Variants in CCDC14 observed in about 807,000 individuals in gnomAD.
CCDC14 encodes the protein coiled-coil domain-containing protein 14.
A neutral mutation model predicts 81.4 loss-of-function variants in CCDC14; 71 were observed. That is an observed-to-expected ratio of 0.87 (90% confidence interval 0.72 to 1.06). The LOEUF (loss-of-function observed/expected upper bound fraction) is 1.06. Among genes scored for constraint, CCDC14 ranks in the 50% least tolerant of loss-of-function variants. The pLI is 0.00. For synonymous variants in CCDC14, 332 were observed against 364.8 expected, an observed-to-expected ratio of 0.91 and a Z score of 1.03; for missense variants, 1,046 against 1,047.3, an observed-to-expected ratio of 1.00 and a Z score of 0.02.
intron 9 of CCDC14, among the ~76,000 whole-genome samples, chr3:123,939,217 T>G (rs2036215395): frequency 6.6e-6 from 1 of 151,870 alleles, no homozygotes; most frequent in African/African-American, 2.4e-5. Flanking sequence ...CAGAACTTTG[T>G]AAATGATATT....
At chr3:123,925,560 C>T (rs979674758) in intron 12 of CCDC14, among the ~76,000 whole-genome samples, 3 of 152,044 alleles carry the variant, frequency 2.0e-5, no homozygotes, top group East Asian at 1.9e-4. Context: ...CTCAGCCTTC[C>T]GAGTAGCTGG....
the CCDC14 span, among the ~76,000 whole-genome samples, chr3:123,892,062 CACTA>C: frequency 2.6e-5 from 4 of 152,168 alleles, no homozygotes; most frequent in Admixed American, 6.5e-5. Context: ...TCGTGAGACC[CACTA>C]ACTATCTTGA....
At chr3:123,951,593 C>G (rs1225934683) in intron 5 of CCDC14, among the ~76,000 whole-genome samples, 1 of 152,192 alleles carries the variant, frequency 6.6e-6, no homozygotes, top group Non-Finnish European at 1.5e-5. Flanking sequence ...GTCCTTTCCT[C>G]TTGATTCCTG....
At chr3:123,927,287 T>A (rs921359196) in intron 12 of CCDC14, among the ~76,000 whole-genome samples, 1 of 149,964 alleles carries the variant, frequency 6.7e-6, no homozygotes, top group Non-Finnish European at 1.5e-5. Flanking sequence ...CACAGTGGCA[T>A]GTGCCTGTGG....
At chr3:123,896,698 G>A (rs187664040), downstream of CCDC14, among the ~76,000 whole-genome samples, 658 of 152,222 alleles carry the variant, frequency 4.3e-3, 4 homozygotes, top group African/African-American at 0.015. Context: ...TTGATCAGGA[G>A]TATTAACATA....
chr3:123,896,611 A>G (rs1248826160), downstream of CCDC14, among the ~76,000 whole-genome samples: 1 of 152,178 alleles, frequency 6.6e-6, no homozygotes, highest in African/African-American at 2.4e-5. Context: ...TCACAGAAGC[A>G]GATAGTAGAA....
chr3:123,930,945 T>C (rs759667984), intron 12 of CCDC14, 157 bp downstream of exon 12: 10 of 635,466 alleles, frequency 1.6e-5, no homozygotes, highest in East Asian at 3.1e-5. Context: ...ACTAATTTAA[T>C]TGGAACAGAA....
intron 12 of CCDC14, among the ~76,000 whole-genome samples, chr3:123,924,703 A>G (rs944964460): frequency 3.9e-5 from 6 of 152,172 alleles, no homozygotes; most frequent in Non-Finnish European, 5.9e-5. Flanking sequence ...CCACAATGAG[A>G]TATCATCTCA....
Position 123,913,966 on chromosome 3 carries a change from A to G in CCDC14, c.*813T>C. The G allele has an allele frequency of 1.0e-6, 1 of 985,434 alleles. No homozygotes were observed. Among genetic ancestry groups the G allele is most frequent in the Non-Finnish European group, 1.2e-6 (1 of 829,684 alleles). 61.0% of individuals were successfully genotyped at this position (985,434 alleles called of 1,614,324 possible). On this transcript the variant is annotated 3_prime_UTR_variant, in exon 13 of 13. Coordinates refer to ENST00000409697, the MANE Select transcript of CCDC14 (RefSeq NM_001366335.1). ...ATATTCTCAGCTAACATGCTGGGAGAAAAAATTCTTCCAAAAAGGCAGAAT... is the reference window on the plus strand; with the variant it reads ...ATATTCTCAGCTAACATGCTGGGAGGAAAAATTCTTCCAAAAAGGCAGAAT...
rs2034497153 is a variant in CCDC14, at chr3:123,913,547, G to T, written c.*1232C>A. 1 of 980,240 alleles carries T rather than the reference G, an allele frequency of 1.0e-6. No homozygotes were observed. Among genetic ancestry groups the T allele is most frequent in the South Asian group, 4.7e-5 (1 of 21,162 alleles). 60.7% of individuals were successfully genotyped at this position (980,240 alleles called of 1,614,324 possible). On this transcript the variant is annotated 3_prime_UTR_variant, in exon 13 of 13. Transcript: ENST00000409697. ...CTAAATAAAATTAAAGATGCTAATG[G>T]ACTCTTGTGTGAAATAGTTTAGAAT... is the stretch of plus-strand genomic sequence containing the variant.
intron 12 of CCDC14, among the ~76,000 whole-genome samples, chr3:123,925,127 A>G (rs1300638304): frequency 7.3e-6 from 1 of 136,092 alleles, no homozygotes; most frequent in African/African-American, 3.3e-5. Context: ...AATACTACTC[A>G]GCCTTAAAAA....
At chr3:123,936,596 A>G (rs993130020) in intron 9 of CCDC14, among the ~76,000 whole-genome samples, 5 of 152,110 alleles carry the variant, frequency 3.3e-5, no homozygotes, top group Non-Finnish European at 5.9e-5. Flanking sequence ...AACAAAAGCA[A>G]ATACCACATT....
intron 12 of CCDC14, among the ~76,000 whole-genome samples, chr3:123,918,738 A>G (rs1169649054): frequency 1.3e-5 from 2 of 152,218 alleles, no homozygotes. Flanking sequence ...TTGTTCCTAC[A>G]GGGCTAGAAC....
At chr3:123,911,438 T>C (rs1337356837), downstream of CCDC14, among the ~76,000 whole-genome samples, 1 of 151,934 alleles carries the variant, frequency 6.6e-6, no homozygotes. Flanking sequence ...ATTAAGGGAG[T>C]GTTAACTTAC....
chr3:123,907,658 T>A (rs2034343377), intron 5 of CCDC14, among the ~76,000 whole-genome samples: 1 of 151,740 alleles, frequency 6.6e-6, no homozygotes, highest in Admixed American at 6.6e-5. Flanking sequence ...TGAGCTTTGA[T>A]CATGTCACTG....
downstream of CCDC14, among the ~76,000 whole-genome samples, chr3:123,895,144 G>A (rs1254686360): frequency 6.6e-6 from 1 of 152,090 alleles, no homozygotes; most frequent in African/African-American, 2.4e-5. Context: ...ATTTTCCTTG[G>A]CTTGGTGGGG....
chr3:123,918,219 A>ATTTGTTTTT (rs1278441731), intron 12 of CCDC14, among the ~76,000 whole-genome samples: 1 of 152,210 alleles, frequency 6.6e-6, no homozygotes, highest in African/African-American at 2.4e-5. Context: ...ACAAAACTAA[A>ATTTGTTTTT]AACAAATTTT....
At chr3:123,941,170 GA>G (rs1204880622) in intron 9 of CCDC14, among the ~76,000 whole-genome samples, 1 of 151,958 alleles carries the variant, frequency 6.6e-6, no homozygotes, top group Non-Finnish European at 1.5e-5. Flanking sequence ...AGGAAATTTG[GA>G]AATGTGCCAG....
At chr3:123,888,105 A>G in the CCDC14 span, among the ~76,000 whole-genome samples, 87,959 of 151,814 alleles carry the variant, frequency 0.58, 25,732 homozygotes, top group Admixed American at 0.63. Flanking sequence ...TTCTTCTGTG[A>G]GTTCTGTTCT....
Sources: gnomAD v4.1 joint callset for allele counts (sites outside exome capture counted in the v4.1 genomes callset) on GRCh38, gnomAD v4.1.1 for gene constraint, MANE v1.5 for transcripts, NCBI Gene and HGNC (gene_info 2026-07-23, HGNC 2026-07-21) for gene names.